ZNF786: variants seen among roughly 807,000 people sequenced by gnomAD.
ZNF786 encodes zinc finger protein 786.
In ZNF786, 56 loss-of-function variants were observed where a neutral mutation model predicts 63.1. The observed-to-expected ratio is 0.89, with a 90% confidence interval of 0.72 to 1.11. ZNF786 has a LOEUF of 1.11. Ranked by LOEUF, ZNF786 falls within the 50% of genes least tolerant of loss-of-function variation. The pLI, the probability that ZNF786 is intolerant of heterozygous loss-of-function variation, is 0.00. For synonymous variants in ZNF786, 485 were observed against 406.9 expected (o/e 1.19, Z -2.31); for missense variants, 1,213 against 1,041.8 (o/e 1.16, Z -2.26).
Position 149,072,185 on chromosome 7 carries a change from C to G in ZNF786, c.587G>C (p.Cys196Ser), listed in dbSNP as rs781143960. 7 of 1,613,302 alleles carry G rather than the reference C, an allele frequency of 4.3e-6. No individual in the cohort carries two copies. The highest frequency in any genetic ancestry group is 2.7e-5 in the African/African-American group (2 of 74,928). Residue 196 changes from cysteine to serine, a missense_variant, in exon 4 of 4, where the codon TGT becomes TCT. By Grantham distance (112) the Cys-to-Ser change is moderately radical (BLOSUM62 -1). Transcript: ENST00000491431. The stretch of plus-strand genomic sequence containing the variant: ...CATTACTAAATGGTTGTTCTCCCAA[C>G]AGCTTTCCCCGCAGACAGGCCAAGG... ...QHPWPVCGES[C>S]WENNHLVMHQ...
chr7:149,090,412 C>T (rs1174186011), intron 1 of ZNF786, among the ~76,000 whole-genome samples: 2 of 152,242 alleles, frequency 1.3e-5, no homozygotes, highest in Non-Finnish European at 2.9e-5. Context: ...CGGCTTTGTC[C>T]AGGGGTTTGG....
intron 1 of ZNF786, among the ~76,000 whole-genome samples, chr7:149,088,371 A>T (rs1339930955): frequency 2.0e-5 from 3 of 152,118 alleles, no homozygotes; most frequent in African/African-American, 7.2e-5. Context: ...AGTGCATAAA[A>T]CTGCTTTTAG....
At position 149,072,296 on chromosome 7, in the gene ZNF786, G is replaced by A. The variant is rs1451583255; in HGVS notation, c.476C>T (p.Ser159Phe). The change falls in exon 4 of 4, where the codon TCT (serine) becomes TTT (phenylalanine). Residue 159 changes from serine to phenylalanine, a missense_variant. Physicochemically the swap from Ser to Phe is radical, Grantham distance 155 (BLOSUM62 -2). Coordinates refer to ENST00000491431, the MANE Select transcript of ZNF786 (RefSeq NM_152411.4). ...ACCTGGGATTCCTTCTTTTAGGGTA[G>A]ATTCACTGGGGCCGCAGGCTAGTGG... ...PPPLACGPSE[S>F]TLKEGIPGPR... 2 of 1,613,692 alleles carry A rather than the reference G, an allele frequency of 1.2e-6. No homozygotes were observed. Among genetic ancestry groups the A allele is most frequent in the Non-Finnish European group, 1.7e-6 (2 of 1,179,836 alleles).
chr7:149,070,636 GTTC>G lies in ZNF786; in HGVS notation c.2133_2135del (p.Lys711del), dbSNP rs1181221970. ...TCAGCATGTGTCCCCTTTCCCGGAA[GTTC>G]TTGTCACACTCAGGGCAGTGAAAAG... On this transcript the variant is annotated inframe_deletion, in exon 4 of 4. Transcript: ENST00000491431. 6.2e-7 allele frequency: 1 copy of G among 1,613,870 alleles called. No homozygotes were observed. Among genetic ancestry groups the G allele is most frequent in the African/African-American group, 1.3e-5 (1 of 74,944 alleles).
chr7:149,082,255 T>C (rs192160813), intron 1 of ZNF786, among the ~76,000 whole-genome samples: 135 of 152,292 alleles, frequency 8.9e-4, no homozygotes, highest in African/African-American at 3.1e-3. Flanking sequence ...GACCGTGTGA[T>C]TGTAAGTCTT....
Position 149,072,329 on chromosome 7 carries a change from G to A in ZNF786, c.443C>T (p.Ala148Val), listed in dbSNP as rs756032545. ...GGGGCCGCAGGCTAGTGGTGGAGGAGCCCTGGCGTCGTGTCTCTGTGGGCT... is the reference window on the plus strand; with the variant it reads ...GGGGCCGCAGGCTAGTGGTGGAGGAACCCTGGCGTCGTGTCTCTGTGGGCT... The part of the protein sequence containing the change: ...LGSPQRHDAR[A>V]PPPLACGPSE... The change falls in exon 4 of 4, where the codon GCT (alanine) becomes GTT (valine). Residue 148 changes from alanine to valine, a missense_variant. Transcript: ENST00000491431. The A allele has an allele frequency of 1.6e-5, 26 of 1,613,684 alleles. No homozygotes were observed. The East Asian group carries it at 1.8e-4, about 11-fold the overall frequency.
intron 1 of ZNF786, among the ~76,000 whole-genome samples, chr7:149,084,870 C>G (rs1825710695): frequency 6.6e-6 from 1 of 152,114 alleles, no homozygotes; most frequent in South Asian, 2.1e-4. Context: ...TTTGCCAGGG[C>G]CTATGTCCAG....
chr7:149,085,580 G>A (rs189401987), intron 1 of ZNF786, among the ~76,000 whole-genome samples: 99 of 152,244 alleles, frequency 6.5e-4, no homozygotes, highest in African/African-American at 2.1e-3. Context: ...CTCCTGAAGT[G>A]TTGGGATTAC....
At position 149,070,494 on chromosome 7, in the gene ZNF786, C is replaced by G. The variant is rs1270096631; in HGVS notation, c.2278G>C (p.Ala760Pro). Reference protein sequence around the residue: ...HIRVHTKSCPAPNELDIKKRL... With the variant: ...HIRVHTKSCPPPNELDIKKRL... ...TTCTTAATGTCCAGTTCATTTGGAG[C>G]AGGACAGGATTTTGTGTGTACTCTG... Residue 760 changes from alanine (A) to proline (P), a missense_variant, in exon 4 of 4, where the codon GCT (alanine) becomes CCT (proline). Coordinates refer to ENST00000491431, the MANE Select transcript of ZNF786 (RefSeq NM_152411.4). 6.2e-7 allele frequency: 1 copy of G among 1,614,030 alleles called. No homozygotes were observed.
chr7:149,081,249 A>G (rs780814320), intron 1 of ZNF786: 1 of 441,514 alleles, frequency 2.3e-6, no homozygotes, highest in Non-Finnish European at 4.5e-6. Context: ...CAGCCTGACC[A>G]ACGTGGTGAA....
chr7:149,078,160 G>A (rs1459013823), intron 2 of ZNF786, among the ~76,000 whole-genome samples: 1 of 151,740 alleles, frequency 6.6e-6, no homozygotes, highest in African/African-American at 2.4e-5. Flanking sequence ...ACCACACCTG[G>A]CCAAAATGTA....
chr7:149,084,956 GTTGAT>G (rs1256455901), intron 1 of ZNF786, among the ~76,000 whole-genome samples: 2 of 152,168 alleles, frequency 1.3e-5, no homozygotes, highest in East Asian at 1.9e-4. Context: ...TCCATGTTGA[GTTGAT>G]TTTTGTATAT....
At position 149,070,325 on chromosome 7, in the gene ZNF786, T is replaced by A; in HGVS notation, c.*98A>T. 8 of 1,492,444 alleles carry A rather than the reference T, an allele frequency of 5.4e-6. No homozygotes were observed. The highest frequency in any genetic ancestry group is 6.3e-6 in the Non-Finnish European group (7 of 1,108,020). The allele number at this position is 1,492,444 out of a possible 1,614,324, so 92.5% of individuals were successfully genotyped here. ...ACACTCTTGCTCAAAGAAGGATACC[T>A]GCTCCTAAAACCCGTCTACCAGCGG... On this transcript the variant is annotated 3_prime_UTR_variant, in exon 4 of 4. Transcript: ENST00000491431.
At chr7:149,074,660 A>G (rs999879281) in intron 2 of ZNF786, 122 bp from the exon 3 acceptor site, 12 of 1,157,826 alleles carry the variant, frequency 1.0e-5, no homozygotes, top group Non-Finnish European at 1.4e-5. Context: ...AAAAAAAAAA[A>G]CAGGTTTACA....
intron 1 of ZNF786, chr7:149,082,454 A>G: frequency 1.4e-6 from 1 of 689,936 alleles, no homozygotes; most frequent in African/African-American, 1.9e-5. Flanking sequence ...GGAGTATGTA[A>G]ATTATATATT....
chr7:149,081,435 CAAAAAAAAAAAAAAAA>C (rs749538585), intron 1 of ZNF786, among the ~76,000 whole-genome samples: 1 of 46,228 alleles, frequency 2.2e-5, no homozygotes, highest in African/African-American at 7.0e-5. Flanking sequence ...GACTCGGTCT[CAAAAAAAAAAAAAAAA>C]AAAAAAAAAA....
In ZNF786 at chr7:149,090,045, A is replaced by C. The variant is rs535439166; in HGVS notation, c.18+578T>G. Among the ~76,000 whole-genome samples the C allele has an allele frequency of 3.9e-5, 6 of 152,336 alleles. No individual in the cohort carries two copies. In the South Asian group the frequency reaches 1.2e-3, roughly 32 times the overall value. Reference sequence around the variant, plus strand: ...CATTTAATAATCAGCAAAAATCCTCAACATTAAAGTTTACAAGATAAAAAT... The same window carrying C: ...CATTTAATAATCAGCAAAAATCCTCCACATTAAAGTTTACAAGATAAAAAT... On this transcript the variant is annotated intron_variant, in intron 1 of 3. Coordinates refer to ENST00000491431, the MANE Select transcript of ZNF786 (RefSeq NM_152411.4).
intron 2 of ZNF786, among the ~76,000 whole-genome samples, chr7:149,075,501 T>A (rs1825527640): frequency 6.6e-6 from 1 of 151,506 alleles, no homozygotes; most frequent in South Asian, 2.1e-4. Context: ...CACCCTGGAG[T>A]CTCAAAGTGC....
chr7:149,079,352 T>C (rs1825615000), intron 2 of ZNF786, among the ~76,000 whole-genome samples: 1 of 150,920 alleles, frequency 6.6e-6, no homozygotes, highest in Non-Finnish European at 1.5e-5. Flanking sequence ...GAGCTTGCAG[T>C]GAGCTGAGAT....
Sources: gnomAD v4.1 joint callset for allele counts (sites outside exome capture counted in the v4.1 genomes callset) on GRCh38, gnomAD v4.1.1 for gene constraint, MANE v1.5 for transcripts, NCBI Gene and HGNC (gene_info 2026-07-23, HGNC 2026-07-21) for gene names.